SNX29: variants seen among roughly 807,000 people sequenced by gnomAD.
SNX29 encodes the protein sorting nexin 29, also known as sorting nexin-29.
Under a neutral mutation model 102.1 loss-of-function variants are expected in SNX29, and 78 were observed. That is an observed-to-expected ratio of 0.76 (90% confidence interval 0.64 to 0.92). The LOEUF is 0.92. SNX29 is among the 40% of genes least tolerant of loss of function. The pLI is 0.00. For synonymous variants in SNX29, 580 were observed against 414.5 expected (o/e 1.40, Z -4.85); for missense variants, 1,280 against 1,061.7 (o/e 1.21, Z -2.86).
chr16:12,173,849 C>G (rs562296638), intron 13 of SNX29, among the ~76,000 whole-genome samples: 1 of 152,152 alleles, frequency 6.6e-6, no homozygotes, highest in Admixed American at 6.5e-5. Flanking sequence ...TGCAGTGGTG[C>G]GATCTCAGCT....
chr16:12,036,931 T>C (rs575837326), intron 4 of SNX29, among the ~76,000 whole-genome samples: 1 of 152,280 alleles, frequency 6.6e-6, no homozygotes, highest in South Asian at 2.1e-4. Flanking sequence ...AGAAATCATC[T>C]TGGAGTTGAG....
chr16:12,542,986 T>A (rs550112312), intron 20 of SNX29, among the ~76,000 whole-genome samples: 1 of 152,112 alleles, frequency 6.6e-6, no homozygotes, highest in South Asian at 2.1e-4. Context: ...CTCCTGTAAC[T>A]ATGAAGTCCA....
At chr16:12,132,460 C>G (rs1419759757) in intron 13 of SNX29, among the ~76,000 whole-genome samples, 1 of 152,180 alleles carries the variant, frequency 6.6e-6, no homozygotes, top group East Asian at 1.9e-4. Flanking sequence ...TGCATCATTA[C>G]TTGCAAATTG....
At chr16:12,257,060 A>G (rs2078595183) in intron 14 of SNX29, among the ~76,000 whole-genome samples, 1 of 152,172 alleles carries the variant, frequency 6.6e-6, no homozygotes, top group Non-Finnish European at 1.5e-5. Flanking sequence ...ATTTGTTTCC[A>G]TAGACTCTAG....
chr16:12,508,436 T>A (rs1395496081), intron 19 of SNX29, among the ~76,000 whole-genome samples: 1 of 152,234 alleles, frequency 6.6e-6, no homozygotes, highest in African/African-American at 2.4e-5. Flanking sequence ...TGATTTCTTT[T>A]TTCTGTTGCT....
chr16:12,552,493 C>G (rs144797256), intron 20 of SNX29, among the ~76,000 whole-genome samples: 2 of 152,336 alleles, frequency 1.3e-5, no homozygotes, highest in Non-Finnish European at 2.9e-5. Flanking sequence ...CCTCAGGAAT[C>G]TTGCTCAAAA....
At chr16:12,375,381 A>T (rs1276930459) in intron 16 of SNX29, 1 of 152,192 alleles carries the variant, frequency 6.6e-6, no homozygotes, top group Non-Finnish European at 1.5e-5. Context: ...GAAAAAGGAC[A>T]TTTGGCAGTG....
chr16:12,241,138 T>C (rs1212152214), intron 14 of SNX29, among the ~76,000 whole-genome samples: 1 of 152,198 alleles, frequency 6.6e-6, no homozygotes, highest in Non-Finnish European at 1.5e-5. Flanking sequence ...TCGATTCCAG[T>C]AGAAAAATAA....
chr16:12,516,862 A>T (rs1222855796), intron 19 of SNX29, among the ~76,000 whole-genome samples: 1 of 152,168 alleles, frequency 6.6e-6, no homozygotes, highest in Non-Finnish European at 1.5e-5. Context: ...AGGGAAATAC[A>T]GGGGGCGGGG....
intron 4 of SNX29, among the ~76,000 whole-genome samples, chr16:12,036,994 C>T (rs1357912250): frequency 1.3e-5 from 2 of 152,118 alleles, no homozygotes; most frequent in Non-Finnish European, 2.9e-5. Flanking sequence ...TGTCGTCCCT[C>T]ACCACCGCTT....
At chr16:12,134,962 G>A (rs1352367920) in intron 13 of SNX29, among the ~76,000 whole-genome samples, 1 of 152,180 alleles carries the variant, frequency 6.6e-6, no homozygotes, top group Non-Finnish European at 1.5e-5. Flanking sequence ...AAAGCTCATG[G>A]TGTAGTTCAA....
At chr16:12,464,695 TC>T (rs1296685595) in intron 18 of SNX29, among the ~76,000 whole-genome samples, 3 of 152,134 alleles carry the variant, frequency 2.0e-5, no homozygotes, top group Non-Finnish European at 4.4e-5. Flanking sequence ...CCTCAAGGGA[TC>T]CTCCCACCTC....
At chr16:12,445,993 A>G (rs2086030678) in intron 18 of SNX29, among the ~76,000 whole-genome samples, 1 of 151,136 alleles carries the variant, frequency 6.6e-6, no homozygotes. Flanking sequence ...TTCGCGCTGC[A>G]CACCTGCTTC....
chr16:12,461,594 G>A (rs535387291), intron 18 of SNX29, among the ~76,000 whole-genome samples: 54 of 152,148 alleles, frequency 3.5e-4, no homozygotes, highest in Middle Eastern at 3.4e-3. Flanking sequence ...ATTCTGCTTC[G>A]GGTTGGAAAA....
At chr16:12,161,319 T>TC (rs2141666929) in intron 13 of SNX29, among the ~76,000 whole-genome samples, 1 of 152,320 alleles carries the variant, frequency 6.6e-6, no homozygotes, top group East Asian at 1.9e-4. Context: ...CTTGGTGGAC[T>TC]CCATCACGAG....
chr16:12,537,282 G>C (rs1006297731), intron 20 of SNX29, among the ~76,000 whole-genome samples: 1 of 152,218 alleles, frequency 6.6e-6, no homozygotes, highest in Non-Finnish European at 1.5e-5. Flanking sequence ...AAACTGGTTA[G>C]TGTGGTACAT....
Position 12,572,477 on chromosome 16 carries a change from A to AG in SNX29, c.*3849dup. On this transcript the variant is annotated 3_prime_UTR_variant, in exon 21 of 21. Transcript: ENST00000566228. ...GTACATTTTGCCAACCCTGAGGACC[A>AG]GTTCTTGGGGTTCCAGGCCTCGGCC... 3 of 1,063,658 alleles carry AG rather than the reference A, an allele frequency of 2.8e-6. No homozygotes were observed. The highest frequency in any genetic ancestry group is 3.4e-6 in the Non-Finnish European group (3 of 878,254). The allele number at this position is 1,063,658 out of a possible 1,614,324, so 65.9% of individuals were successfully genotyped here.
At chr16:12,439,843 A>G (rs1263224799) in intron 18 of SNX29, among the ~76,000 whole-genome samples, 1 of 152,212 alleles carries the variant, frequency 6.6e-6, no homozygotes, top group East Asian at 1.9e-4. Flanking sequence ...CAGTGGGGGA[A>G]GAGCACTAAC....
chr16:12,449,259 G>C (rs1426479921), intron 18 of SNX29, among the ~76,000 whole-genome samples: 1 of 151,970 alleles, frequency 6.6e-6, no homozygotes, highest in Non-Finnish European at 1.5e-5. Flanking sequence ...ACCAGGGAAG[G>C]ATGTTGCAGG....
Sources: allele counts gnomAD v4.1 joint callset (sites outside exome capture counted in the v4.1 genomes callset), GRCh38; gene constraint gnomAD v4.1.1; transcripts MANE v1.5; gene names NCBI Gene and HGNC (gene_info 2026-07-23, HGNC 2026-07-21).